Variants in TBL1Y observed in about 807,000 individuals in gnomAD.
TBL1Y encodes the protein F-box-like/WD repeat-containing protein TBL1Y.
Under a neutral mutation model 12.0 loss-of-function variants are expected in TBL1Y, and 15 were observed. The observed-to-expected ratio is 1.25, with a 90% CI of 0.83 to 1.92. TBL1Y has a LOEUF of 1.92. TBL1Y is among the 40% of genes most tolerant of loss of function. The pLI, the probability that TBL1Y is intolerant of heterozygous loss-of-function variation, is 0.00. For missense variants in TBL1Y, 148 were observed against 116.7 expected (o/e 1.27, Z -1.24); for synonymous variants, 53 against 42.6 (o/e 1.24, Z -0.95).
At chrY:7,025,003 G>A in intron 5 of TBL1Y, 32 bp from the exon 6 acceptor site, 1 of 315,107 alleles carries the variant, frequency 3.2e-6, no homozygotes, top group South Asian at 3.4e-5. Flanking sequence ...CACACAGGCA[G>A]TGTTTCAAAA....
At chrY:6,937,716 A>G (rs2011914753) in intron 2 of TBL1Y, among the ~76,000 whole-genome samples, 1 of 33,913 alleles carries the variant, frequency 2.9e-5, no homozygotes, top group Non-Finnish European at 7.3e-5. Context: ...AACATTGTTC[A>G]CAAAATTGTT....
chrY:6,982,870 T>C (rs962967082), intron 3 of TBL1Y, among the ~76,000 whole-genome samples: 1 of 32,911 alleles, frequency 3.0e-5, no homozygotes. Flanking sequence ...TATAGGAGTG[T>C]GAACCCTATT....
intron 2 of TBL1Y, among the ~76,000 whole-genome samples, chrY:6,950,668 G>A: frequency 3.0e-5 from 1 of 33,193 alleles, no homozygotes; most frequent in Non-Finnish European, 7.4e-5. Flanking sequence ...CCTTTAAAAA[G>A]CTGTGGTAGG....
intron 4 of TBL1Y, among the ~76,000 whole-genome samples, chrY:7,012,820 G>A (rs543730762): frequency 8.8e-5 from 3 of 34,243 alleles, no homozygotes; most frequent in African/African-American, 2.3e-4. Flanking sequence ...TGCACCCTTC[G>A]CTCAGATGGC....
intron 7 of TBL1Y, among the ~76,000 whole-genome samples, chrY:7,053,548 G>T (rs1569367572): frequency 5.9e-5 from 2 of 33,799 alleles, no homozygotes; most frequent in East Asian, 1.6e-3. Flanking sequence ...AGAACTGGAG[G>T]TTGGGTGGGT....
At chrY:7,015,325 A>G in intron 4 of TBL1Y, among the ~76,000 whole-genome samples, 1 of 33,083 alleles carries the variant, frequency 3.0e-5, no homozygotes, top group African/African-American at 1.2e-4. Flanking sequence ...AGACACCTGG[A>G]CAAATGAATC....
At position 7,063,228 on chromosome Y, in the gene TBL1Y, C is replaced by G. The variant is rs1051031041; in HGVS notation, c.205-669C>G. Among the ~76,000 whole-genome samples, 5 of 33,375 alleles carry G rather than the reference C, an allele frequency of 1.5e-4. No individual in the cohort carries two copies. The East Asian group carries it at 2.4e-3, about 16-fold the overall frequency. 89.5% of individuals were successfully genotyped at this position (33,375 alleles called of 37,273 possible). A position where few individuals can be genotyped will look rare whatever the true frequency, so the allele number is the denominator to read the frequency against. On this transcript the variant is annotated intron_variant, in intron 7 of 18. Coordinates refer to ENST00000383032, the MANE Select transcript of TBL1Y (RefSeq NM_033284.2). ...TTGGTGCCGCAAAAGAAATAGCATT[C>G]GAATATAAAATATTCTTTTTAATTC... is the stretch of plus-strand genomic sequence containing the variant.
chrY:7,009,873 T>C (rs2012506527), intron 4 of TBL1Y, among the ~76,000 whole-genome samples: 20 of 31,952 alleles, frequency 6.3e-4, no homozygotes, highest in African/African-American at 2.5e-3. Context: ...CTGTTTCTAC[T>C]GAAAATATAA....
intron 2 of TBL1Y, among the ~76,000 whole-genome samples, chrY:6,964,582 ACT>A (rs2012155386): frequency 3.0e-5 from 1 of 33,129 alleles, no homozygotes; most frequent in South Asian, 6.9e-4. Context: ...ATATTCTTGT[ACT>A]CCATCAATCT....
chrY:7,016,077 G>A (rs2012547050), intron 4 of TBL1Y, among the ~76,000 whole-genome samples: 1 of 32,078 alleles, frequency 3.1e-5, no homozygotes, highest in Admixed American at 2.8e-4. Context: ...AGGGTCTTTC[G>A]AGGCTGCAGG....
chrY:7,069,589 C>G, intron 8 of TBL1Y, among the ~76,000 whole-genome samples: 2 of 33,833 alleles, frequency 5.9e-5, no homozygotes, highest in Non-Finnish European at 1.5e-4. Flanking sequence ...GCTAGCCACA[C>G]TTTATTTATG....
chrY:7,009,862 C>G, intron 4 of TBL1Y, among the ~76,000 whole-genome samples: 1 of 31,833 alleles, frequency 3.1e-5, no homozygotes, highest in African/African-American at 1.2e-4. Flanking sequence ...ATGCAGAAAC[C>G]CTGTTTCTAC....
intron 2 of TBL1Y, chrY:6,920,362 A>G: frequency 5.9e-5 from 2 of 34,086 alleles, no homozygotes; most frequent in African/African-American, 2.3e-4. Context: ...ATATTCATGA[A>G]GAATGTTTGC....
chrY:6,956,745 G>C (rs2012071823), intron 2 of TBL1Y, among the ~76,000 whole-genome samples: 1 of 32,945 alleles, frequency 3.0e-5, no homozygotes, highest in African/African-American at 1.2e-4. Flanking sequence ...GACCACTGAG[G>C]AACAAGGGTG....
At chrY:6,991,099 T>G in intron 3 of TBL1Y, among the ~76,000 whole-genome samples, 1 of 33,844 alleles carries the variant, frequency 3.0e-5, no homozygotes, top group Non-Finnish European at 7.3e-5. Context: ...GTGGCCAGAC[T>G]GGATTCTAAA....
chrY:7,032,251 A>G (rs2012661004), intron 6 of TBL1Y, among the ~76,000 whole-genome samples: 1 of 32,895 alleles, frequency 3.0e-5, no homozygotes, highest in Admixed American at 2.8e-4. Flanking sequence ...CGGGTGTTCA[A>G]GGCTGCAGTG....
intron 7 of TBL1Y, among the ~76,000 whole-genome samples, chrY:7,057,344 C>G: frequency 3.0e-5 from 1 of 33,468 alleles, no homozygotes; most frequent in African/African-American, 1.2e-4. Flanking sequence ...TCTAACCACC[C>G]CTCCCCTTGT....
At chrY:6,965,033 G>A (rs2124119185) in intron 2 of TBL1Y, among the ~76,000 whole-genome samples, 2 of 32,540 alleles carry the variant, frequency 6.1e-5, no homozygotes, top group East Asian at 1.7e-3. Context: ...AACCTCTGGA[G>A]ACGGCCGATA....
rs2012942127 is a variant in TBL1Y, at chrY:7,064,039, C to CA, written c.348dup (p.Ala117SerfsTer35). On this transcript the variant is annotated frameshift_variant, in exon 8 of 19. Coordinates refer to ENST00000383032, the MANE Select transcript of TBL1Y (RefSeq NM_033284.2). LOFTEE classifies it high-confidence loss of function. Reference sequence around the variant, plus strand: ...GCCAGTGCAGCAGCCACAGAGGCATCAGCAATGGCAAAGGCGGCAACCATG... The same window carrying CA: ...GCCAGTGCAGCAGCCACAGAGGCATCAAGCAATGGCAAAGGCGGCAACCATG... 2.5e-6 allele frequency: 1 copy of CA among 396,598 alleles called. No homozygotes were observed. Among genetic ancestry groups the CA allele is most frequent in the Non-Finnish European group, 3.5e-6 (1 of 283,210 alleles).
Sources: gnomAD v4.1 joint callset for allele counts (sites outside exome capture counted in the v4.1 genomes callset) on GRCh38, gnomAD v4.1.1 for gene constraint, MANE v1.5 for transcripts, NCBI Gene and HGNC (gene_info 2026-07-23, HGNC 2026-07-21) for gene names.